The following RC3H2 variants were observed in gnomAD, a reference collection of about 807,000 sequenced individuals.
The protein encoded by RC3H2 is ring finger and CCCH-type domains 2, also known as roquin-2.
Under a neutral mutation model 133.3 loss-of-function variants are expected in RC3H2, and 31 were observed. The observed-to-expected ratio is 0.23, with a 90% CI of 0.17 to 0.31. RC3H2 has a LOEUF of 0.31. Ranked by LOEUF, RC3H2 falls within the 10% of genes least tolerant of loss-of-function variation. RC3H2 has a pLI of 1.00. For synonymous variants in RC3H2, 517 were observed against 502.2 expected, an observed-to-expected ratio of 1.03 and a Z score of -0.40; for missense variants, 1,175 against 1,437.2, an observed-to-expected ratio of 0.82 and a Z score of 2.95.
rs151193923 is a variant in RC3H2 at position 122,869,055 on chromosome 9, G to C, written c.1326-3398C>G. Among the ~76,000 whole-genome samples, 18 of 151,936 alleles carry C rather than the reference G, an allele frequency of 1.2e-4. 1 individual carries two copies. The highest frequency in any genetic ancestry group is 4.1e-4 in the African/African-American group (17 of 41,458). On this transcript the variant is annotated intron_variant, in intron 9 of 20. Coordinates refer to ENST00000357244, the MANE Select transcript of RC3H2 (RefSeq NM_001100588.3). Reference sequence around the variant, plus strand: ...TAGCTGGGATTACAGGCACGTGCCTGCCACCACGCCTGGTTAACTTTTGTA... The same window carrying C: ...TAGCTGGGATTACAGGCACGTGCCTCCCACCACGCCTGGTTAACTTTTGTA...
rs753893611 is a variant in RC3H2, at chr9:122,858,754, C to T, written c.2198G>A (p.Arg733Gln). 5.3e-5 allele frequency: 86 copies of T among 1,614,040 alleles called. No individual in the cohort carries two copies. Among genetic ancestry groups the T allele is most frequent in the Non-Finnish European group, 6.4e-5 (76 of 1,180,004 alleles). ...TCCATCTAATGAGTTATATCTTTCC[C>T]GCAAAGATGTCTGATAGACAGATGA... ...MHSSVYQTSL[R>Q]ERYNSLDGYY... Residue 733 changes from arginine to glutamine, a missense_variant, in exon 12 of 21, where the codon CGG becomes CAG. Arg to Gln is a conservative substitution (Grantham distance 43, BLOSUM62 1). Transcript: ENST00000357244.
At chr9:122,886,252 C>T (rs926158427) in intron 4 of RC3H2, among the ~76,000 whole-genome samples, 6 of 152,166 alleles carry the variant, frequency 3.9e-5, no homozygotes, top group African/African-American at 1.2e-4. Flanking sequence ...CCTTTTATGG[C>T]TGAGGAATAG....
At chr9:122,871,527 G>A (rs1831095178) in intron 9 of RC3H2, among the ~76,000 whole-genome samples, 1 of 150,356 alleles carries the variant, frequency 6.7e-6, no homozygotes, top group Non-Finnish European at 1.5e-5. Context: ...GTTTCATCGT[G>A]TTAGCCAGGA....
rs1428994746 is a variant in RC3H2, at chr9:122,867,115, C to A, written c.1326-1458G>T. Among the ~76,000 whole-genome samples, 4 of 125,914 alleles carry A rather than the reference C, an allele frequency of 3.2e-5. No homozygotes were observed. The East Asian group carries it at 6.9e-4, about 22-fold the overall frequency. The allele number at this position is 125,914 out of a possible 152,430, so 82.6% of individuals were successfully genotyped here. ...CCGCCCCGTCTGAGAAGGGAGGAGA[C>A]CCTCCGCCCGGCAACCGCCCCGTCT... On this transcript the variant is annotated intron_variant, in intron 9 of 20. Transcript: ENST00000357244.
At chr9:122,868,535 T>G (rs1830858782) in intron 9 of RC3H2, among the ~76,000 whole-genome samples, 1 of 151,962 alleles carries the variant, frequency 6.6e-6, no homozygotes, top group Non-Finnish European at 1.5e-5. Context: ...AACAGATGCT[T>G]GAAGGCAGCA....
In RC3H2 at chr9:122,858,967, G is replaced by T; in HGVS notation, c.1985C>A (p.Ser662Tyr). Residue 662 changes from serine to tyrosine, a missense_variant, in exon 12 of 21, where the codon TCC (serine) becomes TAC (tyrosine). Physicochemically the swap from Ser to Tyr is moderately radical, Grantham distance 144. Around this residue, in one of 8 missense-constraint regions of RC3H2, gnomAD observed 490 missense variants for 492.8 expected, o/e 0.99. Transcript: ENST00000357244. ...AGAAGAATTCATTCGATCTCGAGGG[G>T]AAAATGTACTGTAATGATCGGCATA... is the stretch of plus-strand genomic sequence containing the variant. ...MPYADHYSTF[S>Y]PRDRMNSSPY... The T allele has an allele frequency of 6.2e-7, 1 of 1,614,224 alleles. No individual in the cohort carries two copies. Among genetic ancestry groups the T allele is most frequent in the Non-Finnish European group, 8.5e-7 (1 of 1,180,026 alleles).
chr9:122,898,323 A>G (rs1588115984), intron 1 of RC3H2, among the ~76,000 whole-genome samples: 1 of 152,232 alleles, frequency 6.6e-6, no homozygotes, highest in Non-Finnish European at 1.5e-5. Context: ...GATATATATA[A>G]CCAAAAACTG....
At chr9:122,879,717 G>C (rs1300745759) in intron 8 of RC3H2, 38 bp downstream of exon 8, 1 of 1,358,484 alleles carries the variant, frequency 7.4e-7, no homozygotes, top group Non-Finnish European at 1.0e-6. Context: ...AACTGAGTTA[G>C]AGACAACAGC....
At position 122,864,787 on chromosome 9, in the gene RC3H2, A is replaced by AT. The variant is rs967806641; in HGVS notation, c.1634+561dup. ...ATATGCCCGCCACCATGCCCGGCTA[A>AT]TTTTTTTTTTGTATTTTTAGTAGAG... On this transcript the variant is annotated intron_variant, in intron 10 of 20. Transcript: ENST00000357244. 2.1e-3 allele frequency among the ~76,000 whole-genome samples: 317 copies of AT among 149,788 alleles called. 1 individual carries two copies. The highest frequency in any genetic ancestry group is 5.0e-3 in the Admixed American group (75 of 15,024).
rs144714368 is a variant in RC3H2, at chr9:122,858,072, T to C, written c.2305A>G (p.Thr769Ala). 856 of 1,614,194 alleles carry C rather than the reference T, an allele frequency of 5.3e-4. 2 individuals are homozygous for C. The highest frequency in any genetic ancestry group is 8.8e-4 in the South Asian group (80 of 91,086). The change falls in exon 13 of 21, where the codon ACC (threonine) becomes GCC (alanine). Residue 769 changes from threonine (T) to alanine (A), a missense_variant. By Grantham distance (58) the Thr-to-Ala change is moderately conservative (BLOSUM62 0). This residue lies in a region of RC3H2 where 490 missense variants were observed against 492.8 expected (regional missense o/e 0.99). Coordinates refer to ENST00000357244, the MANE Select transcript of RC3H2 (RefSeq NM_001100588.3). ...CTTCTTATCTGCTCCTCGCAACTGGTCTTCAAATGACCACAAGGTTCCTAA... is the reference window on the plus strand; with the variant it reads ...CTTCTTATCTGCTCCTCGCAACTGGCCTTCAAATGACCACAAGGTTCCTAA... ...LPREPCGHLK[T>A]SCEEQIRRKP...
chr9:122,850,567 C>T (rs1829984265), intron 20 of RC3H2, among the ~76,000 whole-genome samples: 1 of 151,942 alleles, frequency 6.6e-6, no homozygotes, highest in African/African-American at 2.4e-5. Context: ...CTCAGCCTCC[C>T]AGGCAGCTGA....
intron 13 of RC3H2, 131 bp from the exon 14 acceptor site, chr9:122,856,009 T>C (rs1392306718): frequency 1.6e-6 from 1 of 645,152 alleles, no homozygotes; most frequent in African/African-American, 1.8e-5. Flanking sequence ...CAATAACTAA[T>C]ATAAAAAACT....
chr9:122,857,932 A>C lies in RC3H2; in HGVS notation c.2445T>G (p.Phe815Leu), dbSNP rs34883365. 15 of 1,612,792 alleles carry C rather than the reference A, an allele frequency of 9.3e-6. No individual in the cohort carries two copies. Among genetic ancestry groups the C allele is most frequent in the Middle Eastern group, 1.6e-4 (1 of 6,068 alleles). ...TTAAAACCTTTCTTACATCCGCACG[A>C]AAGTCTACACTGAACAGAGGAGAAG... ...TPPSPLFSVDFRADFSESVSG... is the reference protein window; with the variant it reads ...TPPSPLFSVDLRADFSESVSG... Residue 815 changes from phenylalanine (F) to leucine (L), a missense_variant, in exon 13 of 21, where the codon TTT becomes TTG. Physicochemically the swap from Phe to Leu is conservative, Grantham distance 22. Around this residue, in one of 8 missense-constraint regions of RC3H2, gnomAD observed 490 missense variants for 492.8 expected, o/e 0.99. Transcript: ENST00000357244.
intron 9 of RC3H2, among the ~76,000 whole-genome samples, chr9:122,871,941 C>CA (rs1420346713): frequency 2.0e-5 from 3 of 151,830 alleles, no homozygotes; most frequent in African/African-American, 7.3e-5. Context: ...CATGCCCAGC[C>CA]AATTTTTTTT....
Position 122,865,368 on chromosome 9 carries a change from C to T in RC3H2, c.1615G>A (p.Ala539Thr), listed in dbSNP as rs1830601647. The part of the protein sequence containing the change: ...ANGQNAAGPS[A>T]DSVTENKIGS... Reference sequence around the variant, plus strand: ...ACCTACTTTTCAGTTACAGAATCTGCAGAGGGCCCAGCAGCATTCTGACCA... The same window carrying T: ...ACCTACTTTTCAGTTACAGAATCTGTAGAGGGCCCAGCAGCATTCTGACCA... The change falls in exon 10 of 21, where the codon GCA (alanine) becomes ACA (threonine). Residue 539 changes from alanine to threonine, a missense_variant. Physicochemically the swap from Ala to Thr is moderately conservative, Grantham distance 58. Transcript: ENST00000357244. The T allele has an allele frequency of 1.9e-6, 3 of 1,605,468 alleles. No homozygotes were observed. The African/African-American group carries it at 4.0e-5, about 21-fold the overall frequency.
chr9:122,853,190 CATT>C (rs1564282484), intron 18 of RC3H2, among the ~76,000 whole-genome samples: 1 of 151,696 alleles, frequency 6.6e-6, no homozygotes, highest in African/African-American at 2.4e-5. Flanking sequence ...GCAGCATGCT[CATT>C]AAGAGTCATC....
Position 122,858,703 on chromosome 9 carries a change from G to A in RC3H2, c.2249C>T (p.Pro750Leu). 1.9e-6 allele frequency: 3 copies of A among 1,612,414 alleles called. No homozygotes were observed. Among genetic ancestry groups the A allele is most frequent in the Non-Finnish European group, 1.7e-6 (2 of 1,179,734 alleles). Residue 750 changes from proline (P) to leucine (L), a missense_variant, in exon 12 of 21, where the codon CCA (proline) becomes CTA (leucine). Pro to Leu is a moderately conservative substitution (Grantham distance 98). Around this residue, in one of 8 missense-constraint regions of RC3H2, gnomAD observed 490 missense variants for 492.8 expected, o/e 0.99. Coordinates refer to ENST00000357244, the MANE Select transcript of RC3H2 (RefSeq NM_001100588.3). Reference protein sequence around the residue: ...DGYYSVACQPPSEPRTTVPLP... With the variant: ...DGYYSVACQPLSEPRTTVPLP... ...AGGCACAGTTGTCCTTGGCTCACTT[G>A]GTGGCTGACAAGCCACCGAATAATA...
chr9:122,847,352 G>T lies in RC3H2; in HGVS notation c.*2275C>A, dbSNP rs1829892873. The T allele has an allele frequency of 6.6e-6, 1 of 152,042 alleles. No homozygotes were observed. Among genetic ancestry groups the T allele is most frequent in the Non-Finnish European group, 1.5e-5 (1 of 67,960 alleles). The allele number at this position is 152,042 out of a possible 1,614,324, so 9.4% of individuals were successfully genotyped here. A position where few individuals can be genotyped will look rare whatever the true frequency, so the allele number is the denominator to read the frequency against. On this transcript the variant is annotated 3_prime_UTR_variant, in exon 21 of 21. Transcript: ENST00000357244. The stretch of plus-strand genomic sequence containing the variant: ...TTTGTGTAGTTCTGTTGCACAGAGG[G>T]TTCTTTCCCTGAGGGCACATAAGGA...
chr9:122,851,432 T>C lies in RC3H2; in HGVS notation c.3122A>G (p.Gln1041Arg), dbSNP rs1357613125. 2.5e-6 allele frequency: 4 copies of C among 1,613,902 alleles called. No homozygotes were observed. The Admixed American group carries it at 6.7e-5, about 27-fold the overall frequency. The change falls in exon 19 of 21, where the codon CAG (glutamine) becomes CGG (arginine). Residue 1041 changes from glutamine to arginine, a missense_variant. Physicochemically the swap from Gln to Arg is conservative, Grantham distance 43 (BLOSUM62 1). Transcript: ENST00000357244. ...KEIELRNGEL[Q>R]SDYTEDATDT... is the part of the protein sequence containing the mutation. ...TGTTGCATCTTCTGTATAATCACTC[T>C]GTAACTAAGAAAAATACTGATTTTG... is the stretch of plus-strand genomic sequence containing the variant.
Sources: allele counts gnomAD v4.1 joint callset (sites outside exome capture counted in the v4.1 genomes callset), GRCh38; gene constraint gnomAD v4.1.1; regional missense constraint gnomAD v4.1.1; transcripts MANE v1.5; gene names NCBI Gene and HGNC (gene_info 2026-07-23, HGNC 2026-07-21).